Variants in ALDH1A1 observed in about 807,000 individuals in gnomAD.
ALDH1A1 encodes aldehyde dehydrogenase 1A1.
ALDH1A1 carries 19 observed loss-of-function variants against 62.1 expected under a neutral mutation model. The ratio of observed to expected loss-of-function variants is 0.31; its 90% confidence interval spans 0.21 to 0.45. The LOEUF (loss-of-function observed/expected upper bound fraction) is 0.45. Among genes scored for constraint, ALDH1A1 ranks in the 20% least tolerant of loss-of-function variants. The pLI, the probability that ALDH1A1 is intolerant of heterozygous loss-of-function variation, is 1.00. For missense variants in ALDH1A1, 521 were observed against 607.1 expected (o/e 0.86, Z 1.49); for synonymous variants, 231 against 215.9 (o/e 1.07, Z -0.61).
chr9:72,940,011 A>T (rs1052088365), intron 2 of ALDH1A1, 137 bp downstream of exon 2: 1 of 563,012 alleles, frequency 1.8e-6, no homozygotes, highest in Non-Finnish European at 3.1e-6. Flanking sequence ...AGGACAACTT[A>T]GACAATTTTC....
Position 72,940,147 on chromosome 9 carries a change from C to T in ALDH1A1, c.171+1G>A. 6.2e-7 allele frequency: 1 copy of T among 1,609,182 alleles called. No homozygotes were observed. Among genetic ancestry groups the T allele is most frequent in the Non-Finnish European group, 8.5e-7 (1 of 1,175,800 alleles). On this transcript the variant is annotated splice_donor_variant, in intron 2 of 12. Transcript: ENST00000297785. LOFTEE classifies it high-confidence loss of function. ...AATGAAACTAGTGTTCAGAAACTCACCTTATCTCCTTCTTCTACCTGGCAG... is the reference window on the plus strand; with the variant it reads ...AATGAAACTAGTGTTCAGAAACTCATCTTATCTCCTTCTTCTACCTGGCAG...
rs1830173068 is a variant in ALDH1A1 at position 72,923,952 on chromosome 9, C to T, written c.747+67G>A. 6 of 1,103,382 alleles carry T rather than the reference C, an allele frequency of 5.4e-6. No individual in the cohort carries two copies. The East Asian group carries it at 1.5e-4, about 28-fold the overall frequency. 68.3% of individuals were successfully genotyped at this position (1,103,382 alleles called of 1,614,324 possible). On this transcript the variant is annotated intron_variant, in intron 7 of 12. Coordinates refer to ENST00000297785, the MANE Select transcript of ALDH1A1 (RefSeq NM_000689.5). ...AAAATTGTTGGCTCAAAAATAGTTA[C>T]ATAAAACATACTTCATAGCTGGCAA...
At chr9:72,930,524 G>A (rs1830267759) in intron 3 of ALDH1A1, among the ~76,000 whole-genome samples, 1 of 152,086 alleles carries the variant, frequency 6.6e-6, no homozygotes, top group Non-Finnish European at 1.5e-5. Context: ...GTGGTCAAAT[G>A]CTTGAATAAA....
intron 12 of ALDH1A1, among the ~76,000 whole-genome samples, chr9:72,904,684 C>T (rs1294233292): frequency 6.6e-6 from 1 of 152,090 alleles, no homozygotes; most frequent in Non-Finnish European, 1.5e-5. Flanking sequence ...AATCCTTGGC[C>T]TTGTCTGACA....
chr9:72,903,051 C>T (rs906637311), intron 12 of ALDH1A1, among the ~76,000 whole-genome samples: 3 of 151,500 alleles, frequency 2.0e-5, no homozygotes, highest in Admixed American at 6.6e-5. Flanking sequence ...TAAGTAGGCA[C>T]AGAAGAACTG....
intron 9 of ALDH1A1, among the ~76,000 whole-genome samples, chr9:72,915,034 G>C (rs1199175063): frequency 6.6e-6 from 1 of 152,038 alleles, no homozygotes; most frequent in Non-Finnish European, 1.5e-5. Flanking sequence ...GGGCTTTTTA[G>C]TCTTTTGTTT....
At chr9:72,950,743 T>G (rs911209449) in intron 1 of ALDH1A1, among the ~76,000 whole-genome samples, 2 of 151,760 alleles carry the variant, frequency 1.3e-5, no homozygotes, top group Non-Finnish European at 2.9e-5. Context: ...ATTAGAATAG[T>G]AACAGAAAAA....
chr9:72,952,814 T>C, intron 1 of ALDH1A1, 121 bp downstream of exon 1: 1 of 1,152,548 alleles, frequency 8.7e-7, no homozygotes, highest in Non-Finnish European at 1.2e-6. Context: ...TTTGCATGCC[T>C]TTTATTTTTA....
At chr9:72,936,953 T>C (rs1188853188) in intron 2 of ALDH1A1, among the ~76,000 whole-genome samples, 2 of 152,090 alleles carry the variant, frequency 1.3e-5, no homozygotes, top group African/African-American at 4.8e-5. Context: ...TGATAAAAAA[T>C]GAAAATTTTC....
chr9:72,930,944 A>G lies in ALDH1A1; in HGVS notation c.247T>C (p.Ser83Pro). Reference sequence around the variant, plus strand: ...TTGTATAATAGTCGCCCCCTCTCGGAAGCATCCATAGTACGCCACGGGGAT... The same window carrying G: ...TTGTATAATAGTCGCCCCCTCTCGGGAGCATCCATAGTACGCCACGGGGAT... ...IGSPWRTMDA[S>P]ERGRLLYKLA... Residue 83 changes from serine to proline, a missense_variant, in exon 3 of 13, where the codon TCC becomes CCC. Coordinates refer to ENST00000297785, the MANE Select transcript of ALDH1A1 (RefSeq NM_000689.5). The G allele has an allele frequency of 6.2e-7, 1 of 1,614,056 alleles. No homozygotes were observed. The highest frequency in any genetic ancestry group is 1.3e-5 in the African/African-American group (1 of 75,022).
intron 11 of ALDH1A1, among the ~76,000 whole-genome samples, chr9:72,909,155 C>CTTTTTTTTTTTTTT (rs5898281): frequency 1.3e-5 from 1 of 75,534 alleles, no homozygotes; most frequent in South Asian, 6.5e-4. Flanking sequence ...TCCAATACAG[C>CTTTTTTTTTTTTTT]TTTTTTTTTT....
chr9:72,910,455 T>C (rs1180104674), intron 10 of ALDH1A1, among the ~76,000 whole-genome samples: 1 of 152,164 alleles, frequency 6.6e-6, no homozygotes, highest in East Asian at 1.9e-4. Flanking sequence ...CATGAGTTCA[T>C]TGGTAATGGC....
At chr9:72,938,105 G>A (rs372226579) in intron 2 of ALDH1A1, among the ~76,000 whole-genome samples, 2 of 152,064 alleles carry the variant, frequency 1.3e-5, no homozygotes, top group Admixed American at 1.3e-4. Context: ...ATTTACTGGG[G>A]CTAAAGTAAT....
intron 2 of ALDH1A1, among the ~76,000 whole-genome samples, chr9:72,937,643 TAC>T (rs1281887802): frequency 6.6e-6 from 1 of 152,184 alleles, no homozygotes; most frequent in Non-Finnish European, 1.5e-5. Flanking sequence ...TGTGGACATG[TAC>T]AGAGGCAGTG....
At chr9:72,929,734 T>G (rs576921001) in intron 3 of ALDH1A1, among the ~76,000 whole-genome samples, 2 of 152,290 alleles carry the variant, frequency 1.3e-5, no homozygotes, top group East Asian at 3.9e-4. Flanking sequence ...CTGGCAGAAA[T>G]GCACAGGTGA....
chr9:72,911,937 G>T (rs770918243), intron 10 of ALDH1A1, 21 bp downstream of exon 10: 7 of 1,613,356 alleles, frequency 4.3e-6, no homozygotes, highest in African/African-American at 2.7e-5. Context: ...AAAAAGAACA[G>T]AACAGAATGA....
chr9:72,942,278 A>C (rs1830423359), intron 1 of ALDH1A1: 3 of 985,162 alleles, frequency 3.0e-6, no homozygotes, highest in Non-Finnish European at 3.6e-6. Context: ...GATGGCTGGG[A>C]AAGAACTTAA....
At position 72,923,999 on chromosome 9, in the gene ALDH1A1, C is replaced by A; in HGVS notation, c.747+20G>T. 6.5e-7 allele frequency: 1 copy of A among 1,533,148 alleles called. No homozygotes were observed. The highest frequency in any genetic ancestry group is 8.9e-7 in the Non-Finnish European group (1 of 1,125,166). 95.0% of individuals were successfully genotyped at this position (1,533,148 alleles called of 1,614,324 possible). A position where few individuals can be genotyped will look rare whatever the true frequency, so the allele number is the denominator to read the frequency against. On this transcript the variant is annotated intron_variant, in intron 7 of 12. Coordinates refer to ENST00000297785, the MANE Select transcript of ALDH1A1 (RefSeq NM_000689.5). ...GCAATGCAGACATTCTTAACTTTTG[C>A]CCTGAGTAAATAATATTACCTCTGT...
Position 72,924,024 on chromosome 9 carries a change from T to C in ALDH1A1, c.742A>G (p.Thr248Ala). 3 of 1,601,288 alleles carry C rather than the reference T, an allele frequency of 1.9e-6. No homozygotes were observed. Among genetic ancestry groups the C allele is most frequent in the Non-Finnish European group, 2.6e-6 (3 of 1,173,906 alleles). Reference sequence around the variant, plus strand: ...CCCTGAGTAAATAATATTACCTCTGTTGATCCTGTGAAGGCTACTTTGTCT... The same window carrying C: ...CCCTGAGTAAATAATATTACCTCTGCTGATCCTGTGAAGGCTACTTTGTCT... ...DIDKVAFTGS[T>A]EVGKLIKEAA... is the part of the protein sequence containing the mutation. The change falls in exon 7 of 13, where the codon ACA (threonine) becomes GCA (alanine). Residue 248 changes from threonine to alanine, a missense_variant. Physicochemically the swap from Thr to Ala is moderately conservative, Grantham distance 58. Coordinates refer to ENST00000297785, the MANE Select transcript of ALDH1A1 (RefSeq NM_000689.5).
Sources: allele counts gnomAD v4.1 joint callset (sites outside exome capture counted in the v4.1 genomes callset), GRCh38; gene constraint gnomAD v4.1.1; transcripts MANE v1.5; gene names NCBI Gene and HGNC (gene_info 2026-07-23, HGNC 2026-07-21).